MAGI2: variants seen among roughly 807,000 people sequenced by gnomAD.
MAGI2 encodes the protein membrane associated guanylate kinase, WW and PDZ domain containing 2.
A neutral mutation model predicts 133.3 loss-of-function variants in MAGI2; 35 were observed. The ratio of observed to expected loss-of-function variants is 0.26; its 90% confidence interval spans 0.20 to 0.35. The LOEUF (loss-of-function observed/expected upper bound fraction) is 0.35. MAGI2 is among the 10% of genes least tolerant of loss of function. The pLI, the probability that MAGI2 is intolerant of heterozygous loss-of-function variation, is 1.00. For synonymous variants in MAGI2, 729 were observed against 710.6 expected (o/e 1.03, Z -0.41); for missense variants, 1,636 against 1,863.4 (o/e 0.88, Z 2.25).
chr7:78,999,287 C>T (rs1357343407), intron 2 of MAGI2, among the ~76,000 whole-genome samples: 2 of 151,782 alleles, frequency 1.3e-5, no homozygotes, highest in Admixed American at 1.3e-4. Flanking sequence ...AGATCGTATA[C>T]TGTTGGTGCT....
chr7:78,562,330 G>A (rs537977393), intron 3 of MAGI2, among the ~76,000 whole-genome samples: 2 of 152,186 alleles, frequency 1.3e-5, no homozygotes, highest in East Asian at 1.9e-4. Flanking sequence ...ACTCAATGTG[G>A]CACAGATGTC....
At chr7:78,892,085 G>A (rs942680567) in intron 2 of MAGI2, among the ~76,000 whole-genome samples, 5 of 151,850 alleles carry the variant, frequency 3.3e-5, no homozygotes, top group East Asian at 1.9e-4. Flanking sequence ...TACACCAATA[G>A]CAGACAAACA....
intron 1 of MAGI2, among the ~76,000 whole-genome samples, chr7:79,007,988 A>G (rs946078139): frequency 1.2e-4 from 18 of 152,080 alleles, no homozygotes; most frequent in East Asian, 1.9e-4. Flanking sequence ...TAAAAAGCCA[A>G]TAATGTAGAT....
At chr7:78,289,178 C>T (rs546323911) in intron 9 of MAGI2, among the ~76,000 whole-genome samples, 119 of 152,188 alleles carry the variant, frequency 7.8e-4, no homozygotes, top group Non-Finnish European at 1.4e-3. Context: ...GGAGGATGTT[C>T]GAACCCATCG....
chr7:78,659,944 T>TA (rs1243861881), intron 2 of MAGI2, among the ~76,000 whole-genome samples: 3 of 152,094 alleles, frequency 2.0e-5, no homozygotes, highest in Admixed American at 6.5e-5. Flanking sequence ...TATGCAGCCA[T>TA]AAAAAACGAT....
chr7:78,850,938 A>G (rs2151480170), intron 2 of MAGI2, among the ~76,000 whole-genome samples: 1 of 152,204 alleles, frequency 6.6e-6, no homozygotes, highest in African/African-American at 2.4e-5. Flanking sequence ...AAAAAAAGCC[A>G]TTTTCACTAT....
At chr7:78,199,279 T>C (rs1177566577) in intron 11 of MAGI2, among the ~76,000 whole-genome samples, 2 of 152,242 alleles carry the variant, frequency 1.3e-5, no homozygotes, top group Non-Finnish European at 2.9e-5. Flanking sequence ...TATATTGTTA[T>C]ATACTTGTTT....
intron 2 of MAGI2, among the ~76,000 whole-genome samples, chr7:78,691,047 C>T (rs1816906873): frequency 6.6e-6 from 1 of 152,148 alleles, no homozygotes; most frequent in African/African-American, 2.4e-5. Context: ...AGCTCATATT[C>T]TACCTTCCAT....
chr7:79,346,455 CT>C (rs1376696828), intron 1 of MAGI2, among the ~76,000 whole-genome samples: 7 of 151,992 alleles, frequency 4.6e-5, no homozygotes, highest in African/African-American at 1.7e-4. Flanking sequence ...GCTTTTGATT[CT>C]GATTTATCCT....
chr7:78,964,589 T>C (rs2115847763), intron 2 of MAGI2, among the ~76,000 whole-genome samples: 1 of 152,210 alleles, frequency 6.6e-6, no homozygotes, highest in Non-Finnish European at 1.5e-5. Flanking sequence ...CAGGAAGATA[T>C]ATACTTCCCA....
chr7:78,460,446 G>A (rs1257225253), intron 6 of MAGI2, among the ~76,000 whole-genome samples: 1 of 152,188 alleles, frequency 6.6e-6, no homozygotes, highest in Non-Finnish European at 1.5e-5. Flanking sequence ...TGTTGTTAAT[G>A]AATTGTGGCA....
At chr7:78,918,617 C>T (rs1798978897) in intron 2 of MAGI2, among the ~76,000 whole-genome samples, 1 of 152,156 alleles carries the variant, frequency 6.6e-6, no homozygotes, top group Non-Finnish European at 1.5e-5. Context: ...CAATATTTAT[C>T]TCAAACATCA....
intron 9 of MAGI2, among the ~76,000 whole-genome samples, chr7:78,288,669 T>C (rs113696147): frequency 5.4e-4 from 82 of 152,256 alleles, no homozygotes; most frequent in African/African-American, 1.8e-3. Context: ...GGTCCCTGAC[T>C]CCCAAGTAGC....
intron 6 of MAGI2, among the ~76,000 whole-genome samples, chr7:78,414,664 C>T (rs1271923030): frequency 6.6e-6 from 1 of 151,908 alleles, no homozygotes; most frequent in Non-Finnish European, 1.5e-5. Flanking sequence ...ACACACACAC[C>T]CCTGCCCCCC....
At chr7:79,423,415 A>G (rs1289398558) in intron 1 of MAGI2, among the ~76,000 whole-genome samples, 1 of 151,982 alleles carries the variant, frequency 6.6e-6, no homozygotes, top group Non-Finnish European at 1.5e-5. Flanking sequence ...GATGAAATAC[A>G]TATTATACAT....
intron 2 of MAGI2, among the ~76,000 whole-genome samples, chr7:78,979,722 T>C (rs1249765562): frequency 6.6e-6 from 1 of 151,812 alleles, no homozygotes; most frequent in African/African-American, 2.4e-5. Flanking sequence ...TCTTGTGTGT[T>C]TGGCCATCCC....
intron 21 of MAGI2, among the ~76,000 whole-genome samples, chr7:78,024,624 C>T (rs889153687): frequency 2.0e-5 from 3 of 152,160 alleles, no homozygotes; most frequent in South Asian, 2.1e-4. Context: ...TCACTTTCAC[C>T]GCCCTAATTC....
chr7:79,009,724 T>C (rs1807851671), intron 1 of MAGI2, among the ~76,000 whole-genome samples: 1 of 152,146 alleles, frequency 6.6e-6, no homozygotes. Flanking sequence ...AGCAGCTATG[T>C]TCTGGCCATT....
chr7:78,621,851 G>A (rs1210972628), intron 3 of MAGI2, among the ~76,000 whole-genome samples: 2 of 151,954 alleles, frequency 1.3e-5, no homozygotes, highest in Non-Finnish European at 2.9e-5. Context: ...TATCCACAAA[G>A]TTTAAAATGA....
Sources: allele counts gnomAD v4.1 joint callset (sites outside exome capture counted in the v4.1 genomes callset), GRCh38; gene constraint gnomAD v4.1.1; transcripts MANE v1.5; gene names NCBI Gene and HGNC (gene_info 2026-07-23, HGNC 2026-07-21).